RORA: variants seen among roughly 807,000 people sequenced by gnomAD.
RORA encodes the protein nuclear receptor ROR-alpha.
Under a neutral mutation model 69.5 loss-of-function variants are expected in RORA, and 7 were observed. The observed-to-expected ratio is 0.10, with a 90% CI of 0.06 to 0.19. The LOEUF (loss-of-function observed/expected upper bound fraction) is 0.19. RORA is among the 10% of genes least tolerant of loss of function. The pLI is 1.00. For synonymous variants in RORA, 261 were observed against 240.8 expected (o/e 1.08, Z -0.78); for missense variants, 457 against 663.0 (o/e 0.69, Z 3.41).
At chr15:60,522,824 C>T (rs375137701) in intron 3 of RORA, among the ~76,000 whole-genome samples, 24 of 150,210 alleles carry the variant, frequency 1.6e-4, no homozygotes, top group Non-Finnish European at 2.7e-4. Flanking sequence ...GTAATCCCAG[C>T]GCTTTGGGAG....
chr15:60,866,027 A>T (rs541010247), intron 1 of RORA, among the ~76,000 whole-genome samples: 1 of 152,090 alleles, frequency 6.6e-6, no homozygotes, highest in African/African-American at 2.4e-5. Context: ...CACCCCAAGC[A>T]TTTACCATTT....
chr15:61,116,610 T>G (rs2079053097), intron 1 of RORA, among the ~76,000 whole-genome samples: 1 of 152,162 alleles, frequency 6.6e-6, no homozygotes, highest in Non-Finnish European at 1.5e-5. Context: ...GGAGAGGGCA[T>G]GAAGCTCAAA....
At chr15:60,938,116 G>T (rs912302251) in intron 1 of RORA, among the ~76,000 whole-genome samples, 2 of 152,088 alleles carry the variant, frequency 1.3e-5, no homozygotes, top group Non-Finnish European at 2.9e-5. Context: ...TTGCCCTAAA[G>T]GGAGTGAAAA....
intron 2 of RORA, among the ~76,000 whole-genome samples, chr15:60,572,246 G>T (rs1006292740): frequency 6.6e-6 from 1 of 152,198 alleles, no homozygotes; most frequent in Non-Finnish European, 1.5e-5. Context: ...ATGTGGTCCT[G>T]CATTTCACAT....
chr15:60,721,084 C>T (rs1272423694), intron 1 of RORA, among the ~76,000 whole-genome samples: 1 of 152,142 alleles, frequency 6.6e-6, no homozygotes. Flanking sequence ...CAAGTGCAAT[C>T]AATACAACCT....
chr15:60,792,547 C>CA (rs1425828730), intron 1 of RORA, among the ~76,000 whole-genome samples: 1 of 152,090 alleles, frequency 6.6e-6, no homozygotes. Flanking sequence ...AAGAGAACAT[C>CA]AAAAAAGCAG....
chr15:61,005,902 C>A (rs2140386193), intron 1 of RORA, among the ~76,000 whole-genome samples: 1 of 152,166 alleles, frequency 6.6e-6, no homozygotes, highest in East Asian at 1.9e-4. Context: ...CTGAAATGTT[C>A]ATAGTCACCT....
chr15:60,940,047 TAGA>T (rs1357449649), intron 1 of RORA, among the ~76,000 whole-genome samples: 2 of 152,090 alleles, frequency 1.3e-5, no homozygotes, highest in Non-Finnish European at 2.9e-5. Flanking sequence ...TCAAGATGAG[TAGA>T]AGATCACTTC....
intron 1 of RORA, among the ~76,000 whole-genome samples, chr15:60,932,308 T>C (rs1326117404): frequency 6.6e-6 from 1 of 152,164 alleles, no homozygotes; most frequent in Non-Finnish European, 1.5e-5. Context: ...CAGTGTCTTG[T>C]AAACTCAGCC....
intron 1 of RORA, among the ~76,000 whole-genome samples, chr15:60,710,674 T>C (rs1355466601): frequency 2.0e-5 from 3 of 152,160 alleles, no homozygotes; most frequent in Non-Finnish European, 4.4e-5. Flanking sequence ...GGCCTTCACC[T>C]GGCATGCATT....
chr15:60,548,082 C>T (rs970223590), intron 2 of RORA: 10 of 152,170 alleles, frequency 6.6e-5, no homozygotes, highest in African/African-American at 2.4e-4. Context: ...TCTGAAGTCA[C>T]GCTCTGAAAG....
chr15:60,628,010 C>A (rs1417057121), intron 2 of RORA, among the ~76,000 whole-genome samples: 1 of 152,140 alleles, frequency 6.6e-6, no homozygotes. Flanking sequence ...AGTTTTAGAG[C>A]TACAGAAATT....
At chr15:60,671,249 A>G (rs777377680) in intron 2 of RORA, among the ~76,000 whole-genome samples, 7 of 151,986 alleles carry the variant, frequency 4.6e-5, no homozygotes, top group Non-Finnish European at 7.4e-5. Context: ...GTATAAATTT[A>G]TTATAAATGT....
intron 2 of RORA, among the ~76,000 whole-genome samples, chr15:60,563,015 A>G (rs1027806225): frequency 2.6e-5 from 4 of 152,216 alleles, no homozygotes; most frequent in African/African-American, 7.2e-5. Flanking sequence ...CCAGGTGGCT[A>G]TCCTCAAGTT....
At chr15:60,996,266 T>C (rs1894531361) in intron 1 of RORA, among the ~76,000 whole-genome samples, 2 of 151,978 alleles carry the variant, frequency 1.3e-5, no homozygotes, top group Admixed American at 1.3e-4. Context: ...GGACGGGGTT[T>C]GCACCATGTT....
chr15:60,651,020 C>T (rs145298161), intron 2 of RORA, among the ~76,000 whole-genome samples: 63 of 152,270 alleles, frequency 4.1e-4, no homozygotes, highest in African/African-American at 1.4e-3. Flanking sequence ...ATACGCCACA[C>T]AGCCCCTGAC....
chr15:61,166,508 T>C (rs1362409846), intron 1 of RORA, among the ~76,000 whole-genome samples: 1 of 152,192 alleles, frequency 6.6e-6, no homozygotes, highest in African/African-American at 2.4e-5. Context: ...ACATTTGGAC[T>C]TTTCAAACGT....
rs144124622 is a variant in RORA, at chr15:60,609,638, G to A, written c.196+69019C>T. Among the ~76,000 whole-genome samples, 9 of 152,256 alleles carry A rather than the reference G, an allele frequency of 5.9e-5. No homozygotes were observed. In the East Asian group the frequency reaches 1.4e-3, roughly 23 times the overall value. Reference sequence around the variant, plus strand: ...AATACCTGCCATAACAGAAGCCGCCGCATCTCAACCCAAAATGGGAAGACA... The same window carrying A: ...AATACCTGCCATAACAGAAGCCGCCACATCTCAACCCAAAATGGGAAGACA... On this transcript the variant is annotated intron_variant, in intron 2 of 10. Transcript: ENST00000335670.
At chr15:60,958,834 C>T (rs1893340878) in intron 1 of RORA, among the ~76,000 whole-genome samples, 1 of 152,158 alleles carries the variant, frequency 6.6e-6, no homozygotes, top group Admixed American at 6.6e-5. Context: ...GGATATGGCA[C>T]AATCTGAGAC....
Sources: allele counts gnomAD v4.1 joint callset (sites outside exome capture counted in the v4.1 genomes callset), GRCh38; gene constraint gnomAD v4.1.1; transcripts MANE v1.5; gene names NCBI Gene and HGNC (gene_info 2026-07-23, HGNC 2026-07-21).